Variants in SLC71A2 observed in about 807,000 individuals in gnomAD.
The protein encoded by SLC71A2 is hippocampus abundant transcript-like 1.
chr9:94,446,193 C>T, the SLC71A2 span, among the ~76,000 whole-genome samples: 18 of 152,348 alleles, frequency 1.2e-4, no homozygotes, highest in African/African-American at 3.8e-4. Context: ...TACATAAAAG[C>T]TATGGTCTGA....
At chr9:94,409,125 C>A in the SLC71A2 span, among the ~76,000 whole-genome samples, 2 of 117,254 alleles carry the variant, frequency 1.7e-5, no homozygotes, top group African/African-American at 6.1e-5. Flanking sequence ...CTGCGCCCGG[C>A]CTCCTTTTTT....
At chr9:94,382,830 C>G in the SLC71A2 span, among the ~76,000 whole-genome samples, 2 of 152,102 alleles carry the variant, frequency 1.3e-5, no homozygotes, top group Non-Finnish European at 1.5e-5. Context: ...GCATCCGCCA[C>G]CACGCCTGGC....
At chr9:94,388,069 T>A in the SLC71A2 span, among the ~76,000 whole-genome samples, 1 of 152,180 alleles carries the variant, frequency 6.6e-6, no homozygotes, top group South Asian at 2.1e-4. Flanking sequence ...GTAGAATATC[T>A]CTTTATACTG....
chr9:94,375,435 C>T, the SLC71A2 span, among the ~76,000 whole-genome samples: 4 of 151,362 alleles, frequency 2.6e-5, no homozygotes, highest in African/African-American at 9.7e-5. Flanking sequence ...GTTAGGCTGG[C>T]CTCTTTCTCC....
the SLC71A2 span, chr9:94,459,679 ACT>A: frequency 5.4e-6 from 2 of 370,904 alleles, no homozygotes; most frequent in Non-Finnish European, 9.9e-6. Flanking sequence ...CCAAGGTGAA[ACT>A]CAAATAGAAA....
the SLC71A2 span, chr9:94,444,922 G>A: frequency 2.2e-5 from 35 of 1,583,238 alleles, no homozygotes; most frequent in East Asian, 6.9e-4. Flanking sequence ...CCCCAGAGGT[G>A]TTCACCTATG....
At chr9:94,375,539 C>T in the SLC71A2 span, among the ~76,000 whole-genome samples, 3 of 152,030 alleles carry the variant, frequency 2.0e-5, no homozygotes, top group Admixed American at 6.6e-5. Context: ...GCAGAACAGG[C>T]CTTGTCTGTG....
the SLC71A2 span, among the ~76,000 whole-genome samples, chr9:94,443,790 C>T: frequency 6.6e-6 from 1 of 152,124 alleles, no homozygotes; most frequent in South Asian, 2.1e-4. Context: ...GTTTGCTTGT[C>T]GTTGCAGTTT....
the SLC71A2 span, among the ~76,000 whole-genome samples, chr9:94,411,130 C>CT: frequency 6.6e-6 from 1 of 150,524 alleles, no homozygotes; most frequent in Non-Finnish European, 1.5e-5. Flanking sequence ...GTAAGTTGTT[C>CT]TTTTTTTAAA....
At chr9:94,420,886 G>A in the SLC71A2 span, among the ~76,000 whole-genome samples, 1 of 151,978 alleles carries the variant, frequency 6.6e-6, no homozygotes, top group African/African-American at 2.4e-5. Flanking sequence ...GCAGCAGAGT[G>A]AGACTCTGTC....
chr9:94,426,428 A>G, the SLC71A2 span, among the ~76,000 whole-genome samples: 1 of 152,138 alleles, frequency 6.6e-6, no homozygotes, highest in African/African-American at 2.4e-5. Flanking sequence ...GAACTTCTTC[A>G]AGGTCTTCTC....
the SLC71A2 span, among the ~76,000 whole-genome samples, chr9:94,404,297 CTTTT>C: frequency 1.3e-5 from 2 of 151,798 alleles, no homozygotes; most frequent in Non-Finnish European, 2.9e-5. Context: ...TTTTCTTTCT[CTTTT>C]TTGTTTTTTT....
At chr9:94,459,571 T>G in the SLC71A2 span, 7 of 503,618 alleles carry the variant, frequency 1.4e-5, no homozygotes, top group East Asian at 1.6e-4. Context: ...ATCCTCCTCC[T>G]GTTTTTTTTT....
chr9:94,424,885 G>A, the SLC71A2 span, among the ~76,000 whole-genome samples: 32 of 148,132 alleles, frequency 2.2e-4, no homozygotes, highest in Admixed American at 1.9e-3. Flanking sequence ...GACTACAGGC[G>A]TGTGCCACCA....
the SLC71A2 span, chr9:94,441,113 C>CTA: frequency 2.2e-6 from 3 of 1,389,590 alleles, no homozygotes; most frequent in Non-Finnish European, 3.0e-6. Context: ...AGATAATAGA[C>CTA]TATATATATT....
chr9:94,423,539 T>C, the SLC71A2 span, among the ~76,000 whole-genome samples: 1 of 152,136 alleles, frequency 6.6e-6, no homozygotes, highest in Admixed American at 6.5e-5. Context: ...GGATGGTCCC[T>C]GTGTATAACC....
At chr9:94,402,756 C>G in the SLC71A2 span, among the ~76,000 whole-genome samples, 1 of 152,106 alleles carries the variant, frequency 6.6e-6, no homozygotes, top group Admixed American at 6.6e-5. Flanking sequence ...AGTCTTGTAC[C>G]TACAGACTCA....
the SLC71A2 span, among the ~76,000 whole-genome samples, chr9:94,392,078 A>G: frequency 1.5e-4 from 22 of 151,690 alleles, no homozygotes; most frequent in African/African-American, 4.8e-4. Context: ...GAAAATCTAG[A>G]GAGAGGAATC....
At chr9:94,389,518 T>A in the SLC71A2 span, among the ~76,000 whole-genome samples, 1 of 151,194 alleles carries the variant, frequency 6.6e-6, no homozygotes, top group Non-Finnish European at 1.5e-5. Flanking sequence ...ACCTCAAGTG[T>A]TCTGCCCGCC....
Sources: gnomAD v4.1 joint callset for allele counts (sites outside exome capture counted in the v4.1 genomes callset) on GRCh38, gnomAD v4.1.1 for gene constraint, MANE v1.5 for transcripts, NCBI Gene and HGNC (gene_info 2026-07-23, HGNC 2026-07-21) for gene names.